The following MYO3B variants were observed in gnomAD, a reference collection of about 807,000 sequenced individuals.
MYO3B encodes the protein myosin IIIB, also known as myosin-IIIb.
MYO3B carries 156 observed loss-of-function variants against 174.6 expected under a neutral mutation model. That is an observed-to-expected ratio of 0.89 (90% CI 0.78 to 1.02). The LOEUF is 1.02. Among genes scored for constraint, MYO3B ranks in the 50% least tolerant of loss-of-function variants. MYO3B has a pLI of 0.00. For synonymous variants in MYO3B, 563 were observed against 569.1 expected, an observed-to-expected ratio of 0.99 and a Z score of 0.15; for missense variants, 1,632 against 1,639.4, an observed-to-expected ratio of 1.00 and a Z score of 0.08.
chr2:170,563,994 G>A (rs1463552753), intron 32 of MYO3B, among the ~76,000 whole-genome samples: 1 of 152,226 alleles, frequency 6.6e-6, no homozygotes, highest in African/African-American at 2.4e-5. Context: ...TAGACAAGGA[G>A]TAGCATCTAC....
intron 32 of MYO3B, among the ~76,000 whole-genome samples, chr2:170,580,424 G>C (rs147560929): frequency 1.8e-3 from 273 of 152,344 alleles, no homozygotes; most frequent in African/African-American, 6.2e-3. Flanking sequence ...GATTGCCCAA[G>C]GTCAGGAGTT....
chr2:170,260,099 A>G (rs550864141), intron 7 of MYO3B, among the ~76,000 whole-genome samples: 1 of 152,334 alleles, frequency 6.6e-6, no homozygotes, highest in East Asian at 1.9e-4. Context: ...AGAAAAGGGA[A>G]TGCTCATACA....
intron 34 of MYO3B, 109 bp from the exon 35 acceptor site, chr2:170,652,874 T>C: frequency 8.0e-7 from 1 of 1,249,530 alleles, no homozygotes; most frequent in Non-Finnish European, 1.1e-6. Context: ...CCCTCCAGTG[T>C]TGGAGCCCAA....
intron 28 of MYO3B, among the ~76,000 whole-genome samples, chr2:170,504,050 T>C (rs1233584803): frequency 6.6e-6 from 1 of 152,208 alleles, no homozygotes; most frequent in Non-Finnish European, 1.5e-5. Context: ...TTTGGGGTTG[T>C]GATCTTCCCC....
At chr2:170,541,115 G>A (rs1313462103) in intron 30 of MYO3B, among the ~76,000 whole-genome samples, 3 of 152,218 alleles carry the variant, frequency 2.0e-5, no homozygotes, top group Admixed American at 2.0e-4. Flanking sequence ...GAGTTGGGAG[G>A]TGTCTGCCAT....
At chr2:170,456,413 G>C (rs557962439) in intron 23 of MYO3B, among the ~76,000 whole-genome samples, 17 of 152,162 alleles carry the variant, frequency 1.1e-4, no homozygotes, top group Admixed American at 5.2e-4. Flanking sequence ...GAATTTCAGA[G>C]AACAGCTTCA....
At chr2:170,566,250 GT>G (rs540807306) in intron 32 of MYO3B, among the ~76,000 whole-genome samples, 144 of 152,280 alleles carry the variant, frequency 9.5e-4, no homozygotes, top group African/African-American at 3.3e-3. Context: ...ATTCTTAACT[GT>G]TTATGTTACA....
intron 3 of MYO3B, among the ~76,000 whole-genome samples, chr2:170,210,453 A>G (rs1311700949): frequency 6.6e-6 from 1 of 152,222 alleles, no homozygotes; most frequent in Non-Finnish European, 1.5e-5. Context: ...TTTCAATTAC[A>G]TGTTATAATG....
intron 7 of MYO3B, among the ~76,000 whole-genome samples, chr2:170,270,070 CTT>C (rs1332067293): frequency 5.9e-5 from 9 of 152,264 alleles, no homozygotes; most frequent in African/African-American, 1.9e-4. Context: ...TATAATAAAT[CTT>C]TGCATATTTG....
chr2:170,570,754 T>G (rs1274652074), intron 32 of MYO3B, among the ~76,000 whole-genome samples: 1 of 148,546 alleles, frequency 6.7e-6, no homozygotes, highest in Non-Finnish European at 1.5e-5. Flanking sequence ...TCTGGCCTTG[T>G]TTTTGGATTC....
chr2:170,506,017 G>A (rs1687599960), intron 28 of MYO3B, among the ~76,000 whole-genome samples: 1 of 152,218 alleles, frequency 6.6e-6, no homozygotes, highest in Admixed American at 6.5e-5. Flanking sequence ...GATAACAATA[G>A]CTCTAACAGT....
At chr2:170,208,302 T>C (rs1006693149) in intron 3 of MYO3B, among the ~76,000 whole-genome samples, 1 of 152,168 alleles carries the variant, frequency 6.6e-6, no homozygotes, top group Non-Finnish European at 1.5e-5. Context: ...GCTGTGGAAT[T>C]GAGTCCTCCT....
intron 21 of MYO3B, among the ~76,000 whole-genome samples, chr2:170,407,322 G>A (rs748942082): frequency 3.9e-5 from 6 of 152,004 alleles, no homozygotes; most frequent in Admixed American, 6.6e-5. Context: ...TTATCTGGGC[G>A]TGGTGACATG....
At chr2:170,331,459 GGGGACA>G (rs2093911053) in intron 7 of MYO3B, among the ~76,000 whole-genome samples, 1 of 152,158 alleles carries the variant, frequency 6.6e-6, no homozygotes, top group Non-Finnish European at 1.5e-5. Context: ...ATGTGAAAGA[GGGGACA>G]GGTTATGAGT....
intron 14 of MYO3B, among the ~76,000 whole-genome samples, chr2:170,389,195 G>A (rs2105760085): frequency 6.6e-6 from 1 of 152,314 alleles, no homozygotes; most frequent in Admixed American, 6.5e-5. Flanking sequence ...AATTAAATGA[G>A]ATGAAGAGAA....
rs560910845 is a variant in MYO3B at position 170,364,665 on chromosome 2, A to G, written c.816-4557A>G. On this transcript the variant is annotated intron_variant, in intron 8 of 34. Transcript: ENST00000408978. ...TCTCCAAATCAGGTTAAAGGATTCT[A>G]TCTTGCTTTATAAAAGGACATGGAG... Among the ~76,000 whole-genome samples the G allele has an allele frequency of 2.0e-4, 31 of 152,292 alleles. No individual in the cohort carries two copies. In the South Asian group the frequency reaches 6.4e-3, roughly 32 times the overall value.
chr2:170,272,212 A>G (rs1227881663), intron 7 of MYO3B, among the ~76,000 whole-genome samples: 2 of 152,116 alleles, frequency 1.3e-5, no homozygotes, highest in Non-Finnish European at 2.9e-5. Flanking sequence ...GCCCTAGCCT[A>G]GACTGACTGA....
intron 32 of MYO3B, among the ~76,000 whole-genome samples, chr2:170,650,775 C>T (rs571301331): frequency 2.4e-4 from 36 of 148,880 alleles, no homozygotes; most frequent in African/African-American, 9.0e-4. Flanking sequence ...CTTCCACCTC[C>T]CGGGTTCAAG....
chr2:170,487,952 A>C (rs909096384), intron 25 of MYO3B, among the ~76,000 whole-genome samples: 1 of 152,222 alleles, frequency 6.6e-6, no homozygotes, highest in Non-Finnish European at 1.5e-5. Context: ...GGGGAAAAAA[A>C]TAGAGAAATA....
Sources: allele counts gnomAD v4.1 joint callset (sites outside exome capture counted in the v4.1 genomes callset), GRCh38; gene constraint gnomAD v4.1.1; transcripts MANE v1.5; gene names NCBI Gene and HGNC (gene_info 2026-07-23, HGNC 2026-07-21).